The following NOL8 variants were observed in gnomAD, a reference collection of about 807,000 sequenced individuals.
NOL8 encodes the protein nucleolar protein 8.
Under a neutral mutation model 116.1 loss-of-function variants are expected in NOL8, and 93 were observed. That is an observed-to-expected ratio of 0.80 (90% CI 0.68 to 0.95). The LOEUF (loss-of-function observed/expected upper bound fraction) is 0.95. Ranked by LOEUF, NOL8 falls within the 40% of genes least tolerant of loss-of-function variation. The probability of loss-of-function intolerance (pLI) is 0.00; values close to 1 mark genes in which losing one functional copy is unlikely to be tolerated. For synonymous variants in NOL8, 419 were observed against 469.0 expected, an observed-to-expected ratio of 0.89 and a Z score of 1.38; for missense variants, 1,291 against 1,382.8, an observed-to-expected ratio of 0.93 and a Z score of 1.05.
At chr9:92,302,301 A>T (rs1466408707) in intron 12 of NOL8, among the ~76,000 whole-genome samples, 1 of 152,206 alleles carries the variant, frequency 6.6e-6, no homozygotes, top group Non-Finnish European at 1.5e-5. Context: ...TGAAATTTTT[A>T]TATTACCATA....
intron 6 of NOL8, among the ~76,000 whole-genome samples, chr9:92,318,033 C>CAAAAAAAAAAAAAAAAAAAAAAAAAAATA (rs745928872): frequency 5.8e-5 from 2 of 34,602 alleles, no homozygotes; most frequent in African/African-American, 1.2e-4. Flanking sequence ...GACTCCATCT[C>CAAAAAAAAAAAAAAAAAAAAAAAAAAATA]AAAAAAAAAA....
chr9:92,310,484 C>A, intron 9 of NOL8, 69 bp downstream of exon 9: 4 of 1,515,702 alleles, frequency 2.6e-6, no homozygotes, highest in Non-Finnish European at 2.7e-6. Context: ...CTGCATTTAC[C>A]CAGATTTAAG....
At position 92,310,141 on chromosome 9, in the gene NOL8, C is replaced by T. The variant is rs538616014; in HGVS notation, c.2686+30G>A. ...GATTTCTCAGTGTCCCCAGATATGA[C>T]ATCAGGACTCTGGACAATGAAGCAT... is the stretch of plus-strand genomic sequence containing the variant. On this transcript the variant is annotated intron_variant, in intron 10 of 16. Transcript: ENST00000442668. 115 of 1,480,338 alleles carry T rather than the reference C, an allele frequency of 7.8e-5. No homozygotes were observed. In the Middle Eastern group the frequency reaches 2.1e-3, roughly 26 times the overall value. 91.7% of individuals were successfully genotyped at this position (1,480,338 alleles called of 1,614,324 possible).
chr9:92,324,398 G>C, intron 1 of NOL8, 189 bp from the exon 2 acceptor site: 1 of 475,158 alleles, frequency 2.1e-6, no homozygotes, highest in Non-Finnish European at 3.8e-6. Flanking sequence ...ATGCACTTTG[G>C]AACAGCAACC....
chr9:92,323,065 T>G, intron 3 of NOL8: 1 of 205,748 alleles, frequency 4.9e-6, no homozygotes, highest in Non-Finnish European at 9.9e-6. Context: ...AAGGGTGTAT[T>G]TTAAAGCCCC....
chr9:92,317,097 CAT>C (rs1472479622), intron 6 of NOL8, among the ~76,000 whole-genome samples: 2 of 152,142 alleles, frequency 1.3e-5, no homozygotes, highest in Non-Finnish European at 2.9e-5. Context: ...GGACCACAGG[CAT>C]GTGCCACCGG....
chr9:92,310,938 T>C, intron 8 of NOL8: 1 of 578,830 alleles, frequency 1.7e-6, no homozygotes, highest in Non-Finnish European at 3.0e-6. Context: ...GTTTCACTAA[T>C]ATTGATGTCA....
intron 12 of NOL8, 92 bp downstream of exon 12, chr9:92,305,661 G>A: frequency 2.3e-6 from 2 of 869,364 alleles, no homozygotes; most frequent in Non-Finnish European, 1.9e-6. Flanking sequence ...TGGGACCAAT[G>A]AGTAGGATAT....
Position 92,314,371 on chromosome 9 carries a change from C to T in NOL8, c.2254G>A (p.Asp752Asn). The T allele has an allele frequency of 1.2e-6, 2 of 1,613,736 alleles. No individual in the cohort carries two copies. Among genetic ancestry groups the T allele is most frequent in the South Asian group, 2.2e-5 (2 of 91,066 alleles). The stretch of plus-strand genomic sequence containing the variant: ...TTCTCATTGTCTTCAGCATGCTTAT[C>T]TTTAGCACTCACATCTGACGAATTA... Reference protein sequence around the residue: ...ISNSSDVSAKDKHAEDNEKRL... With the variant: ...ISNSSDVSAKNKHAEDNEKRL... The change falls in exon 7 of 17, where the codon GAT (aspartate) becomes AAT (asparagine). Residue 752 changes from aspartate to asparagine, a missense_variant. Physicochemically the swap from Asp to Asn is conservative, Grantham distance 23. Coordinates refer to ENST00000442668, the MANE Select transcript of NOL8 (RefSeq NM_017948.6).
At position 92,314,472 on chromosome 9, in the gene NOL8, G is replaced by C; in HGVS notation, c.2153C>G (p.Thr718Arg). ...GACCTTTGGTGATTTCTTGAGAGAT[G>C]TGAGGCCGCTTGAATCAGACCGCTC... is the stretch of plus-strand genomic sequence containing the variant. ...QEERSDSSGL[T>R]SLKKSPKVSS... The change falls in exon 7 of 17, where the codon ACA becomes AGA. Residue 718 changes from threonine (T) to arginine (R), a missense_variant. Coordinates refer to ENST00000442668, the MANE Select transcript of NOL8 (RefSeq NM_017948.6). The C allele has an allele frequency of 2.5e-6, 4 of 1,612,924 alleles. No individual in the cohort carries two copies. The highest frequency in any genetic ancestry group is 3.4e-6 in the Non-Finnish European group (4 of 1,179,018).
Position 92,315,274 on chromosome 9 carries a change from A to G in NOL8, c.1351T>C (p.Ser451Pro), listed in dbSNP as rs760244977. 6.2e-7 allele frequency: 1 copy of G among 1,613,856 alleles called. No homozygotes were observed. The highest frequency in any genetic ancestry group is 1.3e-5 in the African/African-American group (1 of 74,940). The change falls in exon 7 of 17, where the codon TCT becomes CCT. Residue 451 changes from serine (S) to proline (P), a missense_variant. Ser to Pro is a moderately conservative substitution (Grantham distance 74). Coordinates refer to ENST00000442668, the MANE Select transcript of NOL8 (RefSeq NM_017948.6). Reference protein sequence around the residue: ...GLKSLNRKSPSHSSSSEDADS... With the variant: ...GLKSLNRKSPPHSSSSEDADS... ...GCATCTTCACTGCTACTGGAGTGAG[A>G]GGGAGATTTACGATTAAGAGACTTT...
At chr9:92,300,354 G>A in intron 13 of NOL8, 1 of 993,996 alleles carries the variant, frequency 1.0e-6, no homozygotes, top group Non-Finnish European at 1.2e-6. Flanking sequence ...TGCATGAGAA[G>A]CCTAAAATAT....
chr9:92,310,171 C>T lies in NOL8; in HGVS notation c.2686G>A (p.Glu896Lys). The T allele has an allele frequency of 6.2e-7, 1 of 1,600,296 alleles. No individual in the cohort carries two copies. The highest frequency in any genetic ancestry group is 8.5e-7 in the Non-Finnish European group (1 of 1,172,534). The change falls in exon 10 of 17, where the codon GAG becomes AAG. Residue 896 changes from glutamate (E) to lysine (K), a missense_variant and splice_region_variant. Physicochemically the swap from Glu to Lys is moderately conservative, Grantham distance 56. Transcript: ENST00000442668. Reference sequence around the variant, plus strand: ...GGACTCTGGACAATGAAGCATTTACCTTCCTGTTCCTCTTCACTGTCAGTT... The same window carrying T: ...GGACTCTGGACAATGAAGCATTTACTTTCCTGTTCCTCTTCACTGTCAGTT... ...LETDSEEEQE[E>K]VNEKKTAEEE...
At chr9:92,318,918 A>T (rs1839672381) in intron 5 of NOL8, 1 of 511,646 alleles carries the variant, frequency 2.0e-6, no homozygotes. Flanking sequence ...ATGGTTTACA[A>T]AAAACACTGG....
Position 92,315,545 on chromosome 9 carries a change from G to C in NOL8, c.1080C>G (p.Val360=). Reference sequence around the variant, plus strand: ...TATCATCATCACTATCATGGCAAGAGACACGATTTTTGATACCTAAACCTA... The same window carrying C: ...TATCATCATCACTATCATGGCAAGACACACGATTTTTGATACCTAAACCTA... The part of the protein sequence containing the change: ...SLIGLGIKNR[V]SCHDSDDDIM... Residue 360 remains valine, a synonymous_variant, in exon 7 of 17, where the codon GTC becomes GTG. Transcript: ENST00000442668. 1.2e-6 allele frequency: 2 copies of C among 1,611,786 alleles called. No homozygotes were observed. The highest frequency in any genetic ancestry group is 1.7e-6 in the Non-Finnish European group (2 of 1,179,052).
At position 92,315,162 on chromosome 9, in the gene NOL8, A is replaced by G. The variant is rs1839255613; in HGVS notation, c.1463T>C (p.Leu488Ser). The G allele has an allele frequency of 6.2e-7, 1 of 1,613,984 alleles. No homozygotes were observed. Among genetic ancestry groups the G allele is most frequent in the Non-Finnish European group, 8.5e-7 (1 of 1,179,882 alleles). ...GCCAGCCAATTGTTCCAAATCAGCT[A>G]AAGTGAGATTCACACGAAGGCAGTT... ...MKNCLRVNLT[L>S]ADLEQLAGSD... The change falls in exon 7 of 17, where the codon TTA becomes TCA. Residue 488 changes from leucine to serine, a missense_variant. By Grantham distance (145) the Leu-to-Ser change is moderately radical. Transcript: ENST00000442668.
At chr9:92,319,142 C>T in intron 5 of NOL8, 79 bp downstream of exon 5, 2 of 1,417,912 alleles carry the variant, frequency 1.4e-6, no homozygotes, top group Non-Finnish European at 1.9e-6. Flanking sequence ...TGGTTTTAGA[C>T]ATGACACCCA....
intron 3 of NOL8, 152 bp downstream of exon 3, chr9:92,323,289 T>A: frequency 1.3e-6 from 2 of 1,532,932 alleles, no homozygotes; most frequent in South Asian, 2.4e-5. Context: ...CTAAACCTGC[T>A]GAGTTATACG....
intron 3 of NOL8, among the ~76,000 whole-genome samples, chr9:92,322,072 G>A (rs1294364850): frequency 6.6e-6 from 1 of 152,192 alleles, no homozygotes; most frequent in Non-Finnish European, 1.5e-5. Context: ...GATATTTAAT[G>A]TATATTTTAT....
Sources: allele counts gnomAD v4.1 joint callset (sites outside exome capture counted in the v4.1 genomes callset), GRCh38; gene constraint gnomAD v4.1.1; transcripts MANE v1.5; gene names NCBI Gene and HGNC (gene_info 2026-07-23, HGNC 2026-07-21).